Variants in PDE11A observed in about 807,000 individuals in gnomAD.
PDE11A encodes dual 3',5'-cyclic-AMP and -GMP phosphodiesterase 11A.
Under a neutral mutation model 100.5 loss-of-function variants are expected in PDE11A, and 100 were observed. That is an observed-to-expected ratio of 1.00 (90% CI 0.85 to 1.18). PDE11A has a LOEUF of 1.18. Among genes scored for constraint, PDE11A ranks in the 50% most tolerant of loss-of-function variants. PDE11A has a pLI of 0.00. For synonymous variants in PDE11A, 381 were observed against 420.8 expected, an observed-to-expected ratio of 0.91 and a Z score of 1.16; for missense variants, 1,141 against 1,152.6, an observed-to-expected ratio of 0.99 and a Z score of 0.15.
chr2:177,830,979 T>A (rs1000291824), intron 6 of PDE11A, among the ~76,000 whole-genome samples: 13 of 152,200 alleles, frequency 8.5e-5, no homozygotes, highest in African/African-American at 3.1e-4. Flanking sequence ...CTGTGACATA[T>A]AATCTTTTGT....
chr2:177,699,364 G>A (rs527901706), intron 14 of PDE11A, among the ~76,000 whole-genome samples: 44 of 152,298 alleles, frequency 2.9e-4, no homozygotes, highest in Admixed American at 6.5e-4. Context: ...GACCACCGTC[G>A]CACCAATGTG....
intron 1 of PDE11A, among the ~76,000 whole-genome samples, chr2:178,029,074 T>C (rs150998532): frequency 4.5e-4 from 68 of 152,300 alleles, no homozygotes; most frequent in African/African-American, 1.6e-3. Context: ...GGTTATCTTA[T>C]AGGCATCATT....
chr2:178,005,629 T>C (rs1280297078), intron 2 of PDE11A, among the ~76,000 whole-genome samples: 1 of 152,224 alleles, frequency 6.6e-6, no homozygotes, highest in East Asian at 1.9e-4. Flanking sequence ...AACTTCAGCA[T>C]TTGGAACCGT....
At chr2:177,682,964 A>G (rs551516292) in intron 15 of PDE11A, among the ~76,000 whole-genome samples, 2 of 152,150 alleles carry the variant, frequency 1.3e-5, no homozygotes, top group East Asian at 3.9e-4. Context: ...CCATCATGAC[A>G]TATAATTTAT....
At chr2:177,638,954 A>G (rs2080096359) in intron 19 of PDE11A, among the ~76,000 whole-genome samples, 1 of 152,160 alleles carries the variant, frequency 6.6e-6, no homozygotes, top group African/African-American at 2.4e-5. Flanking sequence ...TGAAGACTCA[A>G]AGTGGCCCTC....
intron 1 of PDE11A, among the ~76,000 whole-genome samples, chr2:178,056,724 T>C (rs2086903536): frequency 6.6e-6 from 1 of 152,194 alleles, no homozygotes; most frequent in Non-Finnish European, 1.5e-5. Context: ...AATTGTTTTA[T>C]GAAAGAGGCC....
chr2:177,654,874 G>A (rs950055783), intron 19 of PDE11A, among the ~76,000 whole-genome samples: 1 of 151,500 alleles, frequency 6.6e-6, no homozygotes, highest in African/African-American at 2.4e-5. Flanking sequence ...TACTTCTTCC[G>A]AAGAGAGACG....
At chr2:177,844,627 G>T (rs1199849225) in intron 5 of PDE11A, among the ~76,000 whole-genome samples, 1 of 151,564 alleles carries the variant, frequency 6.6e-6, no homozygotes, top group Admixed American at 6.6e-5. Context: ...TGGAGGGAAG[G>T]TCAGCAGATA....
intron 13 of PDE11A, among the ~76,000 whole-genome samples, chr2:177,705,985 C>T (rs960596156): frequency 2.0e-5 from 3 of 152,294 alleles, no homozygotes; most frequent in African/African-American, 7.2e-5. Flanking sequence ...GTGGGGAACG[C>T]TGTCCCTAGA....
chr2:177,775,881 C>T (rs1314986327), intron 9 of PDE11A, among the ~76,000 whole-genome samples: 1 of 152,178 alleles, frequency 6.6e-6, no homozygotes, highest in East Asian at 1.9e-4. Flanking sequence ...TCTTATTCAT[C>T]ACCTGCCTCC....
chr2:177,841,001 C>T (rs2083482916), intron 5 of PDE11A, among the ~76,000 whole-genome samples: 3 of 152,308 alleles, frequency 2.0e-5, no homozygotes, highest in Admixed American at 6.5e-5. Flanking sequence ...CCATATACCA[C>T]TTACAAAATC....
intron 5 of PDE11A, among the ~76,000 whole-genome samples, chr2:177,844,527 T>TTTAA (rs1162299444): frequency 3.6e-4 from 54 of 151,874 alleles, no homozygotes; most frequent in South Asian, 1.4e-3. Flanking sequence ...CTTTTTTTTT[T>TTTAA]TTAATTAATT....
At chr2:178,031,047 T>C (rs929543334) in intron 1 of PDE11A, among the ~76,000 whole-genome samples, 1 of 152,146 alleles carries the variant, frequency 6.6e-6, no homozygotes, top group Non-Finnish European at 1.5e-5. Context: ...ATTAAAGTAA[T>C]TCACCACATT....
At chr2:177,633,529 T>G (rs2079988167) in intron 19 of PDE11A, among the ~76,000 whole-genome samples, 1 of 152,248 alleles carries the variant, frequency 6.6e-6, no homozygotes, top group Admixed American at 6.5e-5. Context: ...CTCTTAACAG[T>G]GATATTTATC....
chr2:177,995,830 C>G (rs1038760230), intron 2 of PDE11A, among the ~76,000 whole-genome samples: 3 of 152,122 alleles, frequency 2.0e-5, no homozygotes, highest in African/African-American at 7.2e-5. Flanking sequence ...TATGAAATCT[C>G]CAAATTCTAA....
At chr2:178,050,787 T>G (rs1471421764) in intron 1 of PDE11A, among the ~76,000 whole-genome samples, 1 of 151,878 alleles carries the variant, frequency 6.6e-6, no homozygotes, top group Non-Finnish European at 1.5e-5. Flanking sequence ...TGAAATGAAG[T>G]GAGAAGAGAA....
chr2:177,672,826 A>G (rs1205244576), intron 17 of PDE11A, among the ~76,000 whole-genome samples: 1 of 152,206 alleles, frequency 6.6e-6, no homozygotes, highest in Non-Finnish European at 1.5e-5. Flanking sequence ...AACTATGAAA[A>G]TGAAAATTGC....
chr2:177,799,992 A>C (rs2105551451), intron 9 of PDE11A, among the ~76,000 whole-genome samples: 1 of 152,244 alleles, frequency 6.6e-6, no homozygotes, highest in South Asian at 2.1e-4. Context: ...ACTGGCGTTA[A>C]TTCACTTCAT....
chr2:177,885,232 T>C (rs71423513), intron 4 of PDE11A, among the ~76,000 whole-genome samples: 1 of 138,630 alleles, frequency 7.2e-6, no homozygotes, highest in Non-Finnish European at 1.6e-5. Flanking sequence ...GTATATATAG[T>C]ACTATATATG....
Sources: gnomAD v4.1 joint callset for allele counts (sites outside exome capture counted in the v4.1 genomes callset) on GRCh38, gnomAD v4.1.1 for gene constraint, MANE v1.5 for transcripts, NCBI Gene and HGNC (gene_info 2026-07-23, HGNC 2026-07-21) for gene names.